The following PPFIBP2 variants were observed in gnomAD, a reference collection of about 807,000 sequenced individuals.
PPFIBP2 encodes the protein PPFIB scaffold protein 2.
PPFIBP2 carries 118 observed loss-of-function variants against 118.3 expected under a neutral mutation model. The ratio of observed to expected loss-of-function variants is 1.00; its 90% CI spans 0.86 to 1.16. The LOEUF is 1.16. PPFIBP2 is among the 50% of genes most tolerant of loss of function. The pLI is 0.00. For missense variants in PPFIBP2, 1,195 were observed against 1,073.1 expected (o/e 1.11, Z -1.59); for synonymous variants, 414 against 397.4 (o/e 1.04, Z -0.50).
chr11:7,528,184 T>C (rs1018516653), intron 1 of PPFIBP2, among the ~76,000 whole-genome samples: 1 of 152,172 alleles, frequency 6.6e-6, no homozygotes, highest in African/African-American at 2.4e-5. Context: ...GGCAGGAAGA[T>C]GGTCAGATGG....
intron 5 of PPFIBP2, among the ~76,000 whole-genome samples, chr11:7,605,551 G>A (rs922005785): frequency 2.0e-5 from 3 of 152,168 alleles, no homozygotes; most frequent in Admixed American, 6.5e-5. Flanking sequence ...GTGGAATCAC[G>A]ACAAAAGACT....
chr11:7,636,787 A>C (rs1322582507), intron 14 of PPFIBP2, among the ~76,000 whole-genome samples: 2 of 152,216 alleles, frequency 1.3e-5, no homozygotes, highest in Middle Eastern at 3.2e-3. Context: ...TTTGGCCATA[A>C]TCACAATCTT....
chr11:7,610,501 C>G lies in PPFIBP2; in HGVS notation c.618+79C>G, dbSNP rs1847936484. 2.6e-6 allele frequency: 4 copies of G among 1,566,188 alleles called. No individual in the cohort carries two copies. In the South Asian group the frequency reaches 3.4e-5, roughly 13 times the overall value. On this transcript the variant is annotated intron_variant, in intron 6 of 23. Transcript: ENST00000299492. The stretch of plus-strand genomic sequence containing the variant: ...GTGAATTTAGGCCATCTGGTCAACT[C>G]CCAGCCTGGAAGCTATTGGGTGCCA...
intron 8 of PPFIBP2, among the ~76,000 whole-genome samples, chr11:7,626,306 C>T (rs1180593981): frequency 1.3e-5 from 2 of 152,214 alleles, no homozygotes; most frequent in Non-Finnish European, 2.9e-5. Context: ...TGCCTGATGC[C>T]TGTATAAGGC....
intron 3 of PPFIBP2, among the ~76,000 whole-genome samples, chr11:7,566,454 T>C (rs932018576): frequency 2.6e-5 from 4 of 152,080 alleles, no homozygotes; most frequent in Non-Finnish European, 4.4e-5. Context: ...CCTCCCAGGC[T>C]CAAGGGAATT....
intron 23 of PPFIBP2, 94 bp from the exon 24 acceptor site, chr11:7,652,930 T>C (rs1463310933): frequency 1.5e-5 from 21 of 1,378,724 alleles, no homozygotes; most frequent in Non-Finnish European, 2.1e-5. Context: ...TTCCTCTCCT[T>C]GAGTGCCTGC....
At chr11:7,562,929 TTATATATATATATATATATATATA>T (rs60848890) in intron 2 of PPFIBP2, among the ~76,000 whole-genome samples, 25,746 of 86,544 alleles carry the variant, frequency 0.3, 3,220 homozygotes, top group Middle Eastern at 0.39. Flanking sequence ...AATTAAAGTT[TTATATATATATATATATATATATA>T]TATATATATA....
chr11:7,606,019 G>T (rs1048310947), intron 5 of PPFIBP2: 1 of 1,533,544 alleles, frequency 6.5e-7, no homozygotes, highest in South Asian at 1.2e-5. Context: ...GCCTAAAGTA[G>T]GTAGAAAAGC....
rs1854255261 is a variant in PPFIBP2 at position 7,652,889 on chromosome 11, T to C, written c.2437-135T>C. On this transcript the variant is annotated intron_variant, in intron 23 of 23. Transcript: ENST00000299492. The stretch of plus-strand genomic sequence containing the variant: ...AATTGCTTCCAAGAGCTCTGTTTTG[T>C]TCAGAGTCTTTCTAGGAGCAGTTTA... The C allele has an allele frequency of 1.8e-5, 19 of 1,058,040 alleles. No individual in the cohort carries two copies. The South Asian group carries it at 3.0e-4, about 17-fold the overall frequency. The allele number at this position is 1,058,040 out of a possible 1,614,324, so 65.5% of individuals were successfully genotyped here. A position where few individuals can be genotyped will look rare whatever the true frequency, so the allele number is the denominator to read the frequency against.
intron 5 of PPFIBP2, among the ~76,000 whole-genome samples, chr11:7,599,630 T>A (rs1403581122): frequency 1.8e-5 from 2 of 111,726 alleles, no homozygotes; most frequent in Non-Finnish European, 3.3e-5. Context: ...ACTCAATTAC[T>A]TTTTTTTTTT....
At chr11:7,611,810 T>C (rs184875865) in intron 6 of PPFIBP2, among the ~76,000 whole-genome samples, 15 of 152,340 alleles carry the variant, frequency 9.8e-5, no homozygotes, top group Admixed American at 7.2e-4. Context: ...ATGTTGGAAA[T>C]GAAAATGTAG....
chr11:7,562,969 A>G (rs1003007565), intron 2 of PPFIBP2, among the ~76,000 whole-genome samples: 5 of 128,070 alleles, frequency 3.9e-5, no homozygotes, highest in African/African-American at 1.2e-4. Context: ...ATATATATAT[A>G]TATATATACA....
intron 3 of PPFIBP2, among the ~76,000 whole-genome samples, chr11:7,567,272 G>C (rs754605136): frequency 9.9e-5 from 15 of 152,048 alleles, no homozygotes; most frequent in Non-Finnish European, 2.1e-4. Flanking sequence ...TTTAGCATTT[G>C]GTATAAACAA....
intron 3 of PPFIBP2, among the ~76,000 whole-genome samples, chr11:7,582,223 C>G (rs1857378951): frequency 6.6e-6 from 1 of 152,170 alleles, no homozygotes; most frequent in Admixed American, 6.5e-5. Flanking sequence ...CTGACAACCT[C>G]TGGTTACTCG....
intron 1 of PPFIBP2, among the ~76,000 whole-genome samples, chr11:7,527,727 G>A (rs11041428): frequency 1.3e-5 from 2 of 151,964 alleles, no homozygotes; most frequent in Non-Finnish European, 2.9e-5. Flanking sequence ...AGAGTTGCCC[G>A]TTTCTATGGG....
At chr11:7,548,561 A>T (rs929758930) in intron 1 of PPFIBP2, 1 of 152,092 alleles carries the variant, frequency 6.6e-6, no homozygotes, top group African/African-American at 2.4e-5. Context: ...ACCCAGGGAG[A>T]GGGTGGGGAA....
chr11:7,557,058 T>A (rs1343707365), intron 2 of PPFIBP2, among the ~76,000 whole-genome samples: 1 of 152,234 alleles, frequency 6.6e-6, no homozygotes, highest in Non-Finnish European at 1.5e-5. Flanking sequence ...CTGGAATTCC[T>A]GAAGAATTGT....
chr11:7,553,235 T>C (rs569815777), intron 2 of PPFIBP2, among the ~76,000 whole-genome samples: 1 of 152,128 alleles, frequency 6.6e-6, no homozygotes, highest in Admixed American at 6.5e-5. Flanking sequence ...TATTATTTTT[T>C]TTGAAGACTA....
At position 7,597,555 on chromosome 11, in the gene PPFIBP2, A is replaced by G; in HGVS notation, c.373-5A>G. ...CCTCCACCATTGCTTTATTTCCTGG[A>G]ACAGGTGAGTGTCCTCACAGACCAA... On this transcript the variant is annotated splice_region_variant and splice_polypyrimidine_tract_variant and intron_variant, in intron 4 of 23. Transcript: ENST00000299492. The G allele has an allele frequency of 6.2e-7, 1 of 1,612,568 alleles. No homozygotes were observed.
Sources: allele counts gnomAD v4.1 joint callset (sites outside exome capture counted in the v4.1 genomes callset), GRCh38; gene constraint gnomAD v4.1.1; transcripts MANE v1.5; gene names NCBI Gene and HGNC (gene_info 2026-07-23, HGNC 2026-07-21).